SLC6A6: variants seen among roughly 807,000 people sequenced by gnomAD.
SLC6A6 encodes sodium- and chloride-dependent taurine transporter.
SLC6A6 carries 16 observed loss-of-function variants against 68.8 expected under a neutral mutation model. The observed-to-expected ratio is 0.23, with a 90% CI of 0.16 to 0.35. The LOEUF is 0.35. Among genes scored for constraint, SLC6A6 ranks in the 10% least tolerant of loss-of-function variants. The pLI is 1.00. For synonymous variants in SLC6A6, 312 were observed against 315.4 expected (o/e 0.99, Z 0.12); for missense variants, 474 against 802.8 (o/e 0.59, Z 4.95).
intron 6 of SLC6A6, among the ~76,000 whole-genome samples, chr3:14,458,353 C>T (rs544492755): frequency 1.3e-5 from 2 of 152,376 alleles, no homozygotes; most frequent in Admixed American, 6.5e-5. Context: ...AAGAGCCAGG[C>T]TCTCAGGAGC....
intron 1 of SLC6A6, among the ~76,000 whole-genome samples, chr3:14,412,623 C>A (rs879631362): frequency 6.6e-6 from 1 of 152,130 alleles, no homozygotes; most frequent in Non-Finnish European, 1.5e-5. Context: ...ATCGTGCCAC[C>A]GCACTCCAGC....
chr3:14,424,451 G>A (rs538509231), intron 2 of SLC6A6, among the ~76,000 whole-genome samples: 125 of 152,170 alleles, frequency 8.2e-4, no homozygotes, highest in Non-Finnish European at 8.5e-4. Context: ...GAAACAGCCC[G>A]TGGAAAGGCC....
chr3:14,443,863 GGT>G lies in SLC6A6; in HGVS notation c.229+2_229+3del. On this transcript the variant is annotated splice_donor_variant, in intron 3 of 14. Coordinates refer to ENST00000622186, the MANE Select transcript of SLC6A6 (RefSeq NM_003043.6). LOFTEE classifies it high-confidence loss of function. The stretch of plus-strand genomic sequence containing the variant: ...GTACCTCTGCTACAAGAATGGTGGA[GGT>G]GAGCTTGGGCCGGGCCACAGGGGAG... The G allele has an allele frequency of 6.2e-7, 1 of 1,608,578 alleles. No homozygotes were observed. The highest frequency in any genetic ancestry group is 8.5e-7 in the Non-Finnish European group (1 of 1,174,908).
Position 14,485,082 on chromosome 3 carries a change from A to G in SLC6A6, c.*75A>G. ...TAGATTCTCATAGGACCAGGTTTAC[A>G]GAGCTTTATATTTGCACTAGGATTT... On this transcript the variant is annotated 3_prime_UTR_variant, in exon 15 of 15. Coordinates refer to ENST00000622186, the MANE Select transcript of SLC6A6 (RefSeq NM_003043.6). 1 of 1,310,486 alleles carries G rather than the reference A, an allele frequency of 7.6e-7. No individual in the cohort carries two copies. 81.2% of individuals were successfully genotyped at this position (1,310,486 alleles called of 1,614,324 possible). A position where few individuals can be genotyped will look rare whatever the true frequency, so the allele number is the denominator to read the frequency against.
Position 14,468,934 on chromosome 3 carries a change from G to A in SLC6A6, c.1096+722G>A, listed in dbSNP as rs35452994. Among the ~76,000 whole-genome samples, 23,658 of 152,090 alleles carry A rather than the reference G, an allele frequency of 0.16. 2,444 individuals are homozygous for A. The highest frequency in any genetic ancestry group is 0.21 in the Admixed American group (3,217 of 15,266). On this transcript the variant is annotated intron_variant, in intron 9 of 14. Coordinates refer to ENST00000622186, the MANE Select transcript of SLC6A6 (RefSeq NM_003043.6). The surrounding 1 kb of genome is among the most constrained non-coding windows in gnomAD (Gnocchi z 4.5). ...ACAGACGGGGAACTTAGGAATCTGG[G>A]ATCCCAGAGTTCCAGCAAGGTGCTT...
intron 2 of SLC6A6, among the ~76,000 whole-genome samples, chr3:14,429,392 GA>G (rs748256017): frequency 3.1e-4 from 47 of 152,308 alleles, no homozygotes; most frequent in Non-Finnish European, 5.6e-4. Context: ...TCAAGTCCGG[GA>G]TAAATGGCTG....
chr3:14,440,235 G>GT (rs1246113072), intron 2 of SLC6A6, among the ~76,000 whole-genome samples: 1 of 152,080 alleles, frequency 6.6e-6, no homozygotes, highest in African/African-American at 2.4e-5. Flanking sequence ...CTTGCCTTAG[G>GT]TCACCTGTTT....
chr3:14,431,754 G>A (rs1481066110), intron 2 of SLC6A6, among the ~76,000 whole-genome samples: 1 of 152,160 alleles, frequency 6.6e-6, no homozygotes, highest in African/African-American at 2.4e-5. Context: ...GGTTCCTCTA[G>A]CACCACACTC....
At chr3:14,429,171 T>G (rs568203098) in intron 2 of SLC6A6, among the ~76,000 whole-genome samples, 36 of 152,290 alleles carry the variant, frequency 2.4e-4, no homozygotes, top group African/African-American at 8.4e-4. Context: ...TTTCTCAAAC[T>G]CCCTTTCTCT....
At chr3:14,458,744 T>C (rs1700427904) in intron 6 of SLC6A6, among the ~76,000 whole-genome samples, 1 of 152,238 alleles carries the variant, frequency 6.6e-6, no homozygotes, top group African/African-American at 2.4e-5. Flanking sequence ...CCAATGTTAG[T>C]TGTTCAGGAA....
At chr3:14,467,022 C>T (rs191652602) in intron 7 of SLC6A6, among the ~76,000 whole-genome samples, 90 of 152,266 alleles carry the variant, frequency 5.9e-4, no homozygotes, top group African/African-American at 1.9e-3. Context: ...ATGGGAGAGT[C>T]GGGGCCTGGA....
intron 5 of SLC6A6, among the ~76,000 whole-genome samples, chr3:14,452,499 T>C (rs915860819): frequency 2.0e-5 from 3 of 152,172 alleles, no homozygotes; most frequent in African/African-American, 7.2e-5. Flanking sequence ...AGCTAACCTT[T>C]TGTCTGTGTC....
intron 6 of SLC6A6, among the ~76,000 whole-genome samples, chr3:14,464,712 G>GTATGTAAC (rs1700576273): frequency 6.6e-6 from 1 of 152,218 alleles, no homozygotes; most frequent in South Asian, 2.1e-4. Context: ...GGCCCCAGCA[G>GTATGTAAC]TGCCCTGGCA....
rs376172833 is a variant in SLC6A6, at chr3:14,474,125, C to A, written c.1209+1808C>A. On this transcript the variant is annotated intron_variant, in intron 10 of 14. Transcript: ENST00000622186. ...GCCAGGGACAAGGGTAGAAATCGAA[C>A]CTAAGTCACTGGTCTCCCAGGCCCC... Among the ~76,000 whole-genome samples the A allele has an allele frequency of 1.4e-4, 21 of 152,308 alleles. No individual in the cohort carries two copies. In the East Asian group the frequency reaches 4.1e-3, roughly 29 times the overall value.
chr3:14,461,215 G>T (rs1462816222), intron 6 of SLC6A6, among the ~76,000 whole-genome samples: 1 of 152,242 alleles, frequency 6.6e-6, no homozygotes, highest in African/African-American at 2.4e-5. Context: ...TCTCAGTGCT[G>T]CTAGGTAGCT....
At chr3:14,438,686 A>AATTT (rs1699915497) in intron 2 of SLC6A6, among the ~76,000 whole-genome samples, 1 of 152,184 alleles carries the variant, frequency 6.6e-6, no homozygotes, top group Non-Finnish European at 1.5e-5. Flanking sequence ...ATCCTTCTTA[A>AATTT]AGGCCAGGTA....
intron 1 of SLC6A6, among the ~76,000 whole-genome samples, chr3:14,415,428 G>T (rs1004246639): frequency 3.9e-5 from 6 of 152,238 alleles, no homozygotes; most frequent in African/African-American, 1.4e-4. Context: ...TACAGCTACA[G>T]CAAGGAAAGG....
rs1247682549 is a variant in SLC6A6 at position 14,450,308 on chromosome 3, C to T, written c.599+2492C>T. On this transcript the variant is annotated intron_variant, in intron 5 of 14. Transcript: ENST00000622186. The surrounding 1 kb of genome is among the most constrained non-coding windows in gnomAD (Gnocchi z 4.1). ...CCGGGCCCTCGGGGGTATTCTGGGA[C>T]CCTTGCCTTCCAGAATCTCCATTCT... Among the ~76,000 whole-genome samples the T allele has an allele frequency of 6.6e-6, 1 of 152,102 alleles. No individual in the cohort carries two copies. The highest frequency in any genetic ancestry group is 1.5e-5 in the Non-Finnish European group (1 of 68,016).
chr3:14,444,777 G>A (rs764765871), intron 3 of SLC6A6: 7 of 456,502 alleles, frequency 1.5e-5, no homozygotes, highest in Non-Finnish European at 2.2e-5. Context: ...TGTCCTAGAC[G>A]CTCCCCAGAA....
Sources: allele counts gnomAD v4.1 joint callset (sites outside exome capture counted in the v4.1 genomes callset), GRCh38; gene constraint gnomAD v4.1.1; non-coding constraint Gnocchi (gnomAD v3.1); transcripts MANE v1.5; gene names NCBI Gene and HGNC (gene_info 2026-07-23, HGNC 2026-07-21).